MAST4: variants seen among roughly 807,000 people sequenced by gnomAD.
MAST4 encodes the protein microtubule associated serine/threonine kinase family member 4.
In MAST4, 89 loss-of-function variants were observed where a neutral mutation model predicts 162.7. The ratio of observed to expected loss-of-function variants is 0.55; its 90% confidence interval spans 0.46 to 0.65. The LOEUF is 0.65. Among genes scored for constraint, MAST4 ranks in the 30% least tolerant of loss-of-function variants. The pLI is 0.00. For synonymous variants in MAST4, 1,479 were observed against 1,361.1 expected (o/e 1.09, Z -1.91); for missense variants, 3,153 against 3,374.0 (o/e 0.93, Z 1.62).
At chr5:66,898,901 G>A (rs528014424) in intron 3 of MAST4, among the ~76,000 whole-genome samples, 1 of 152,300 alleles carries the variant, frequency 6.6e-6, no homozygotes, top group African/African-American at 2.4e-5. Flanking sequence ...CTGTGGAAAA[G>A]TGATAGCTGA....
intron 4 of MAST4, among the ~76,000 whole-genome samples, chr5:66,914,798 G>T (rs564874677): frequency 2.0e-5 from 3 of 152,108 alleles, no homozygotes; most frequent in Admixed American, 1.3e-4. Context: ...AGACCTTTTT[G>T]GTTGTCACAA....
chr5:66,903,653 G>C (rs770641847), intron 4 of MAST4, among the ~76,000 whole-genome samples: 3 of 152,120 alleles, frequency 2.0e-5, no homozygotes, highest in Admixed American at 6.6e-5. Context: ...AGGGGATGAA[G>C]CAAAGGAGAT....
chr5:67,090,377 G>C (rs1581521223), intron 6 of MAST4, 146 bp downstream of exon 6: 2 of 306,602 alleles, frequency 6.5e-6, no homozygotes, highest in East Asian at 6.6e-5. Context: ...TTCCCCTTCT[G>C]CCCCTCCCCA....
intron 1 of MAST4, among the ~76,000 whole-genome samples, chr5:66,704,427 G>T (rs1450518633): frequency 6.6e-6 from 1 of 151,492 alleles, no homozygotes; most frequent in Non-Finnish European, 1.5e-5. Context: ...CCATAGAGCT[G>T]CTGTTCCATC....
At chr5:67,091,598 T>G (rs1554096401) in intron 6 of MAST4, among the ~76,000 whole-genome samples, 1 of 152,200 alleles carries the variant, frequency 6.6e-6, no homozygotes, top group Non-Finnish European at 1.5e-5. Context: ...TTTACTATAG[T>G]CTTTAAAACA....
At chr5:66,625,039 AT>A (rs1258255252) in intron 1 of MAST4, among the ~76,000 whole-genome samples, 2 of 98,968 alleles carry the variant, frequency 2.0e-5, no homozygotes, top group Non-Finnish European at 4.8e-5. Context: ...ATGAAGTGTT[AT>A]TTTTTTGTAC....
chr5:67,130,729 T>A (rs779262446), intron 15 of MAST4, among the ~76,000 whole-genome samples: 35 of 152,338 alleles, frequency 2.3e-4, no homozygotes, highest in Admixed American at 3.9e-4. Context: ...TTCTGCTTAT[T>A]TTTATTACAT....
At chr5:66,715,286 G>A (rs140064491) in intron 1 of MAST4, among the ~76,000 whole-genome samples, 3 of 152,142 alleles carry the variant, frequency 2.0e-5, no homozygotes, top group African/African-American at 7.2e-5. Flanking sequence ...TAGTCCTTTT[G>A]CAAATCAAAT....
Position 67,084,129 on chromosome 5 carries a change from T to G in MAST4, c.764-6033T>G, listed in dbSNP as rs554431812. On this transcript the variant is annotated intron_variant, in intron 5 of 28. Coordinates refer to ENST00000403625, the MANE Select transcript of MAST4 (RefSeq NM_001164664.2). ...GAGACAATAGGTATCTGTGCAAGTC[T>G]TATGACAAGAAATTGACCTCTTATT... is the stretch of plus-strand genomic sequence containing the variant. Among the ~76,000 whole-genome samples, 90 of 152,328 alleles carry G rather than the reference T, an allele frequency of 5.9e-4. 1 individual carries two copies. In the South Asian group the frequency reaches 7.7e-3, roughly 13 times the overall value.
At chr5:66,645,502 T>G (rs1472395861) in intron 1 of MAST4, among the ~76,000 whole-genome samples, 1 of 152,208 alleles carries the variant, frequency 6.6e-6, no homozygotes, top group Admixed American at 6.5e-5. Context: ...AGTAGTGGTG[T>G]TAGAAAGTTG....
chr5:67,144,158 A>C (rs910763271), intron 21 of MAST4, among the ~76,000 whole-genome samples: 17 of 152,164 alleles, frequency 1.1e-4, no homozygotes, highest in Non-Finnish European at 2.2e-4. Flanking sequence ...TTATAACGGA[A>C]TATGTACTGC....
chr5:66,654,334 G>A (rs143297117), intron 1 of MAST4, among the ~76,000 whole-genome samples: 25 of 152,186 alleles, frequency 1.6e-4, no homozygotes, highest in African/African-American at 5.5e-4. Context: ...TTTTTATGAG[G>A]CAACCAAAAG....
At chr5:66,898,584 C>A (rs533801074) in intron 3 of MAST4, among the ~76,000 whole-genome samples, 1 of 152,040 alleles carries the variant, frequency 6.6e-6, no homozygotes, top group Non-Finnish European at 1.5e-5. Flanking sequence ...TGGAGCTAAT[C>A]AAGGATTAAA....
chr5:67,147,177 C>G (rs892761052), intron 23 of MAST4, among the ~76,000 whole-genome samples: 2 of 152,152 alleles, frequency 1.3e-5, no homozygotes, highest in Non-Finnish European at 2.9e-5. Context: ...CTCTCTCTCT[C>G]TCCCCCATAC....
intron 2 of MAST4, among the ~76,000 whole-genome samples, chr5:66,779,527 TAGC>T (rs1754756436): frequency 6.6e-6 from 1 of 152,136 alleles, no homozygotes; most frequent in Admixed American, 6.5e-5. Flanking sequence ...AAGAGTGATT[TAGC>T]AGCATTGTTG....
intron 1 of MAST4, among the ~76,000 whole-genome samples, chr5:66,678,132 A>G (rs1400010213): frequency 6.6e-6 from 1 of 152,142 alleles, no homozygotes; most frequent in Non-Finnish European, 1.5e-5. Flanking sequence ...GGAGGACATT[A>G]TGTTAACTGA....
At chr5:67,125,266 T>C (rs939362911) in intron 14 of MAST4, among the ~76,000 whole-genome samples, 4 of 152,006 alleles carry the variant, frequency 2.6e-5, no homozygotes, top group African/African-American at 9.7e-5. Context: ...TTTTTTGTTA[T>C]TATACTTTTA....
intron 24 of MAST4, among the ~76,000 whole-genome samples, chr5:67,152,346 A>G (rs1771933910): frequency 6.6e-6 from 1 of 152,250 alleles, no homozygotes; most frequent in South Asian, 2.1e-4. Context: ...GTCTTTTAAT[A>G]AGCATAGAAA....
chr5:66,722,485 T>G (rs902444819), intron 1 of MAST4, among the ~76,000 whole-genome samples: 1 of 151,588 alleles, frequency 6.6e-6, no homozygotes, highest in Admixed American at 6.6e-5. Flanking sequence ...TTTTAAATTA[T>G]CTATCAAATT....
Sources: allele counts gnomAD v4.1 joint callset (sites outside exome capture counted in the v4.1 genomes callset), GRCh38; gene constraint gnomAD v4.1.1; transcripts MANE v1.5; gene names NCBI Gene and HGNC (gene_info 2026-07-23, HGNC 2026-07-21).